ECT2L: variants seen among roughly 807,000 people sequenced by gnomAD.
ECT2L encodes epithelial cell transforming 2 like.
In ECT2L, 126 loss-of-function variants were observed where a neutral mutation model predicts 122.8. That is an observed-to-expected ratio of 1.03 (90% CI 0.89 to 1.19). The LOEUF (loss-of-function observed/expected upper bound fraction) is 1.19, where lower values mean the gene tolerates loss of function less well. Among genes scored for constraint, ECT2L ranks in the 50% most tolerant of loss-of-function variants. The pLI is 0.00. For synonymous variants in ECT2L, 385 were observed against 381.8 expected (o/e 1.01, Z -0.10); for missense variants, 1,012 against 1,064.1 (o/e 0.95, Z 0.68).
chr6:138,807,490 G>A (rs1775751082), intron 1 of ECT2L, among the ~76,000 whole-genome samples: 1 of 151,936 alleles, frequency 6.6e-6, no homozygotes, highest in Non-Finnish European at 1.5e-5. Flanking sequence ...ACATAATGCC[G>A]GTCATCTTCT....
At chr6:138,882,939 A>G (rs1003126785) in intron 16 of ECT2L, 68 bp downstream of exon 16, 12 of 1,531,844 alleles carry the variant, frequency 7.8e-6, no homozygotes, top group Non-Finnish European at 8.9e-6. Flanking sequence ...GTGGAACCCG[A>G]AAGACCAGCG....
chr6:138,877,751 T>C (rs1042921569), intron 14 of ECT2L, among the ~76,000 whole-genome samples: 8 of 151,910 alleles, frequency 5.3e-5, no homozygotes, highest in Non-Finnish European at 7.4e-5. Flanking sequence ...CTGGGCAACA[T>C]AGAAAAACCC....
In ECT2L at chr6:138,903,367, A is replaced by C. The variant is rs1163953756; in HGVS notation, c.*740A>C. On this transcript the variant is annotated 3_prime_UTR_variant, in exon 22 of 22. Coordinates refer to ENST00000541398, the MANE Select transcript of ECT2L (RefSeq NM_001077706.3). Reference sequence around the variant, plus strand: ...AAGAGCGAACCTCTGTCTCAAAAAAAAAAGAAAAAAAAAAGGACAAGAAAT... The same window carrying C: ...AAGAGCGAACCTCTGTCTCAAAAAACAAAGAAAAAAAAAAGGACAAGAAAT... 1.3e-5 allele frequency: 2 copies of C among 151,024 alleles called. No individual in the cohort carries two copies. Among genetic ancestry groups the C allele is most frequent in the Non-Finnish European group, 2.9e-5 (2 of 68,040 alleles). The allele number at this position is 151,024 out of a possible 1,614,324, so 9.4% of individuals were successfully genotyped here.
At chr6:138,844,795 C>CTTTT (rs11398299) in intron 7 of ECT2L, among the ~76,000 whole-genome samples, 7 of 126,644 alleles carry the variant, frequency 5.5e-5, no homozygotes, top group South Asian at 2.4e-4. Context: ...TTTAAATGTT[C>CTTTT]TTTTTTTTTT....
At chr6:138,859,118 C>T (rs1016664681) in intron 10 of ECT2L, among the ~76,000 whole-genome samples, 2 of 152,160 alleles carry the variant, frequency 1.3e-5, no homozygotes, top group Non-Finnish European at 2.9e-5. Context: ...AGTATATGTG[C>T]TGCCAAAGCA....
intron 9 of ECT2L, among the ~76,000 whole-genome samples, chr6:138,851,263 A>C (rs1777442177): frequency 2.6e-5 from 4 of 151,734 alleles, no homozygotes; most frequent in Admixed American, 2.6e-4. Context: ...ATCATAGCTT[A>C]TTGTAGCCTT....
At chr6:138,800,128 T>G (rs1425757616) in intron 1 of ECT2L, among the ~76,000 whole-genome samples, 1 of 152,186 alleles carries the variant, frequency 6.6e-6, no homozygotes, top group Non-Finnish European at 1.5e-5. Context: ...CAACAGACTT[T>G]AGAAGCATTT....
At chr6:138,849,245 T>TA in intron 8 of ECT2L, 24 bp from the exon 9 acceptor site, 1 of 1,579,244 alleles carries the variant, frequency 6.3e-7, no homozygotes, top group Non-Finnish European at 8.6e-7. Context: ...TCTTGGCTCT[T>TA]ACAGCTTTGG....
chr6:138,842,027 A>G lies in ECT2L; in HGVS notation c.343-952A>G, dbSNP rs552370730. On this transcript the variant is annotated intron_variant, in intron 5 of 21. Transcript: ENST00000541398. The stretch of plus-strand genomic sequence containing the variant: ...TAACCAAATGCTATTGGAACATTGG[A>G]TAAGTGTCACAAAGATGTCTAATAC... Among the ~76,000 whole-genome samples the G allele has an allele frequency of 1.1e-3, 159 of 146,350 alleles. 1 individual carries two copies. Among genetic ancestry groups the G allele is most frequent in the African/African-American group, 4.2e-3 (151 of 35,870 alleles).
At chr6:138,833,144 A>C (rs554751518) in intron 4 of ECT2L, among the ~76,000 whole-genome samples, 2 of 152,276 alleles carry the variant, frequency 1.3e-5, no homozygotes, top group Admixed American at 1.3e-4. Flanking sequence ...ACCCACCACC[A>C]GGTCCCTCCC....
At chr6:138,846,082 T>A (rs1195290561) in intron 7 of ECT2L, among the ~76,000 whole-genome samples, 2 of 152,088 alleles carry the variant, frequency 1.3e-5, no homozygotes, top group African/African-American at 4.8e-5. Context: ...TAAATTTTTT[T>A]TTTTTATAAA....
Position 138,849,290 on chromosome 6 carries a change from G to A in ECT2L, c.925G>A (p.Ala309Thr), listed in dbSNP as rs1340242237. The part of the protein sequence containing the change: ...AYEMVMESVK[A>T]GVVSVVYEHS... The stretch of plus-strand genomic sequence containing the variant: ...CCAGATGGTGATGGAGAGTGTGAAG[G>A]CTGGTGTTGTTTCTGTGGTATATGA... Residue 309 changes from alanine to threonine, a missense_variant, in exon 9 of 22, where the codon GCT becomes ACT. By Grantham distance (58) the Ala-to-Thr change is moderately conservative. Coordinates refer to ENST00000541398, the MANE Select transcript of ECT2L (RefSeq NM_001077706.3). 10 of 1,613,060 alleles carry A rather than the reference G, an allele frequency of 6.2e-6. No individual in the cohort carries two copies. Among genetic ancestry groups the A allele is most frequent in the Non-Finnish European group, 8.5e-6 (10 of 1,179,586 alleles).
intron 13 of ECT2L, among the ~76,000 whole-genome samples, chr6:138,873,854 T>C (rs1009473061): frequency 1.5e-5 from 2 of 135,794 alleles, no homozygotes; most frequent in Non-Finnish European, 3.0e-5. Context: ...TAATACGGAT[T>C]ATCTGTCAAA....
intron 3 of ECT2L, 79 bp downstream of exon 3, chr6:138,813,419 C>T (rs1775966196): frequency 9.0e-7 from 1 of 1,107,996 alleles, no homozygotes; most frequent in South Asian, 1.5e-5. Flanking sequence ...CTCATGTTGC[C>T]ACATTTTTAA....
Position 138,885,597 on chromosome 6 carries a change from G to T in ECT2L, c.2102+18G>T. The T allele has an allele frequency of 6.2e-7, 1 of 1,614,086 alleles. No individual in the cohort carries two copies. The highest frequency in any genetic ancestry group is 8.5e-7 in the Non-Finnish European group (1 of 1,179,956). On this transcript the variant is annotated intron_variant, in intron 17 of 21. Coordinates refer to ENST00000541398, the MANE Select transcript of ECT2L (RefSeq NM_001077706.3). ...ATGCTGAGGTACGTTCTGAGGGAGAGCACAGCAGGGGTCCCCCCAGAGAGG... is the reference window on the plus strand; with the variant it reads ...ATGCTGAGGTACGTTCTGAGGGAGATCACAGCAGGGGTCCCCCCAGAGAGG...
At chr6:138,870,968 G>A (rs1280248569) in intron 13 of ECT2L, among the ~76,000 whole-genome samples, 1 of 152,086 alleles carries the variant, frequency 6.6e-6, no homozygotes, top group Non-Finnish European at 1.5e-5. Flanking sequence ...CTTGAACCCG[G>A]GGAGGTTCAG....
chr6:138,815,227 T>C (rs753290248), intron 4 of ECT2L, among the ~76,000 whole-genome samples: 10 of 152,208 alleles, frequency 6.6e-5, no homozygotes, highest in Non-Finnish European at 1.0e-4. Context: ...CAGCTCTAGA[T>C]TGGAAGGTCA....
chr6:138,876,464 A>G lies in ECT2L; in HGVS notation c.1579-8A>G, dbSNP rs371950667. ...CCTCCAATAACCAAGTTTCCATTCA[A>G]TCTTCAGGAAAGAAATGTTGTAGAA... On this transcript the variant is annotated splice_region_variant and splice_polypyrimidine_tract_variant and intron_variant, in intron 13 of 21. Transcript: ENST00000541398. 3 of 1,602,648 alleles carry G rather than the reference A, an allele frequency of 1.9e-6. No homozygotes were observed. Among genetic ancestry groups the G allele is most frequent in the Non-Finnish European group, 2.6e-6 (3 of 1,170,596 alleles).
rs1467749363 is a variant in ECT2L, at chr6:138,881,173, T to C, written c.1880+2T>C. The C allele has an allele frequency of 1.2e-6, 2 of 1,613,008 alleles. No individual in the cohort carries two copies. The highest frequency in any genetic ancestry group is 1.1e-5 in the South Asian group (1 of 90,970). ...TCTACAGATTTTAAGTCTCAACAGG[T>C]AAACCCTGAATATGTATTTTTTTTA... On this transcript the variant is annotated splice_donor_variant, in intron 15 of 21. Coordinates refer to ENST00000541398, the MANE Select transcript of ECT2L (RefSeq NM_001077706.3). LOFTEE classifies it high-confidence loss of function.
Sources: allele counts gnomAD v4.1 joint callset (sites outside exome capture counted in the v4.1 genomes callset), GRCh38; gene constraint gnomAD v4.1.1; transcripts MANE v1.5; gene names NCBI Gene and HGNC (gene_info 2026-07-23, HGNC 2026-07-21).